TFEC: variants seen among roughly 807,000 people sequenced by gnomAD.
The protein encoded by TFEC is class E basic helix-loop-helix protein 34.
Under a neutral mutation model 41.6 loss-of-function variants are expected in TFEC, and 31 were observed. That is an observed-to-expected ratio of 0.74 (90% CI 0.56 to 1.01). The LOEUF is 1.01. TFEC is among the 50% of genes least tolerant of loss of function. The pLI is 0.00. For missense variants in TFEC, 402 were observed against 404.1 expected (o/e 0.99, Z 0.04); for synonymous variants, 143 against 140.6 (o/e 1.02, Z -0.12).
chr7:115,954,652 A>G lies in TFEC; in HGVS notation c.383-10T>C, dbSNP rs1336052046. The stretch of plus-strand genomic sequence containing the variant: ...GCTCTAGTGTCAGTTTCTGATCAAA[A>G]GAAAAATAATAAAAACCATGCTTAG... On this transcript the variant is annotated splice_polypyrimidine_tract_variant and intron_variant, in intron 4 of 7. Coordinates refer to ENST00000265440, the MANE Select transcript of TFEC (RefSeq NM_012252.4). 1.9e-6 allele frequency: 3 copies of G among 1,609,142 alleles called. No homozygotes were observed. Among genetic ancestry groups the G allele is most frequent in the Non-Finnish European group, 2.5e-6 (3 of 1,178,036 alleles).
At chr7:116,154,839 G>A (rs1798834023) in intron 1 of TFEC, among the ~76,000 whole-genome samples, 1 of 152,050 alleles carries the variant, frequency 6.6e-6, no homozygotes, top group African/African-American at 2.4e-5. Flanking sequence ...GAGAAATCGC[G>A]GATCTTCCTC....
intron 2 of TFEC, 115 bp downstream of exon 2, chr7:115,984,147 T>A: frequency 7.7e-7 from 1 of 1,293,598 alleles, no homozygotes; most frequent in Non-Finnish European, 1.1e-6. Context: ...AAAGCACATT[T>A]CTTTTGTTAC....
chr7:115,974,637 G>T (rs920534443), intron 2 of TFEC, among the ~76,000 whole-genome samples: 1 of 150,262 alleles, frequency 6.7e-6, no homozygotes, highest in Non-Finnish European at 1.5e-5. Flanking sequence ...GGCAGATAGG[G>T]TCCCTATAGT....
At chr7:115,973,490 C>T (rs1793229537) in intron 3 of TFEC, among the ~76,000 whole-genome samples, 2 of 151,848 alleles carry the variant, frequency 1.3e-5, no homozygotes, top group Admixed American at 1.3e-4. Context: ...AAACAATAAT[C>T]CTTCAAAATA....
intron 1 of TFEC, among the ~76,000 whole-genome samples, chr7:116,009,997 C>T (rs532363354): frequency 6.6e-6 from 1 of 152,168 alleles, no homozygotes; most frequent in East Asian, 1.9e-4. Context: ...AGGGCTCAAA[C>T]AGGATGGGTG....
intron 1 of TFEC, among the ~76,000 whole-genome samples, chr7:115,989,459 G>A (rs910041848): frequency 6.6e-5 from 10 of 152,178 alleles, no homozygotes; most frequent in South Asian, 2.1e-4. Context: ...CGCCTCACCC[G>A]GGAAGCATAA....
At chr7:116,041,239 T>C (rs1796030675) in intron 3 of TFEC, among the ~76,000 whole-genome samples, 1 of 151,988 alleles carries the variant, frequency 6.6e-6, no homozygotes, top group Non-Finnish European at 1.5e-5. Context: ...TATCGTTTCC[T>C]TTTGTTTTGC....
chr7:115,943,738 A>G (rs1562876303), intron 6 of TFEC, among the ~76,000 whole-genome samples: 2 of 151,684 alleles, frequency 1.3e-5, no homozygotes, highest in African/African-American at 2.4e-5. Context: ...GGCATGGCTA[A>G]AGAATGAATG....
rs1056839350 is a variant in TFEC, at chr7:116,118,671, A to G, written c.-68-6633T>C. Among the ~76,000 whole-genome samples, 6 of 151,850 alleles carry G rather than the reference A, an allele frequency of 4.0e-5. No homozygotes were observed. In the East Asian group the frequency reaches 9.7e-4, roughly 24 times the overall value. On this transcript the variant is annotated intron_variant, in intron 1 of 8. Transcript: ENST00000484212. ...TAGTGGTGTCTAACACTTTTCCTCT[A>G]ACAAAAACAAATTCAATAGTTGCAT...
chr7:116,091,227 G>A (rs556782481), intron 3 of TFEC, among the ~76,000 whole-genome samples: 1 of 152,214 alleles, frequency 6.6e-6, no homozygotes, highest in South Asian at 2.1e-4. Flanking sequence ...CAGGGAAATT[G>A]GTAATATAAT....
intron 1 of TFEC, among the ~76,000 whole-genome samples, chr7:116,118,488 C>A (rs1247875615): frequency 2.0e-5 from 3 of 151,864 alleles, no homozygotes; most frequent in Middle Eastern, 3.4e-3. Context: ...CAGTTGACTA[C>A]CTGCTGGCAT....
chr7:115,978,020 AAAACAT>A (rs1793461881), intron 2 of TFEC, among the ~76,000 whole-genome samples: 1 of 152,144 alleles, frequency 6.6e-6, no homozygotes, highest in Non-Finnish European at 1.5e-5. Context: ...ATAGTAACTT[AAAACAT>A]AAGAAATTGT....
chr7:116,095,635 T>C (rs1797434676), intron 3 of TFEC, among the ~76,000 whole-genome samples: 1 of 152,236 alleles, frequency 6.6e-6, no homozygotes, highest in Non-Finnish European at 1.5e-5. Flanking sequence ...ACTCACTCAT[T>C]AATATGTTGT....
intron 1 of TFEC, among the ~76,000 whole-genome samples, chr7:116,017,756 C>A (rs1795248348): frequency 6.6e-6 from 1 of 152,184 alleles, no homozygotes; most frequent in African/African-American, 2.4e-5. Flanking sequence ...TTGGGTTCTA[C>A]AAAAGCATGG....
intron 3 of TFEC, among the ~76,000 whole-genome samples, chr7:116,070,585 T>C (rs1796804282): frequency 1.3e-5 from 2 of 151,364 alleles, no homozygotes; most frequent in Non-Finnish European, 1.5e-5. Flanking sequence ...ACATTGGAAA[T>C]AAAAAGAAAC....
At chr7:116,092,766 A>G (rs1203971958) in intron 3 of TFEC, among the ~76,000 whole-genome samples, 1 of 152,110 alleles carries the variant, frequency 6.6e-6, no homozygotes, top group African/African-American at 2.4e-5. Flanking sequence ...CTCTTTACCC[A>G]TATCAGGGGT....
intron 1 of TFEC, among the ~76,000 whole-genome samples, chr7:116,003,161 A>G (rs1055070495): frequency 3.3e-5 from 5 of 152,116 alleles, no homozygotes; most frequent in Admixed American, 1.3e-4. Context: ...ATGAAATGAC[A>G]CATATATAAA....
chr7:115,959,179 T>C (rs941835462), intron 3 of TFEC, among the ~76,000 whole-genome samples: 1 of 151,778 alleles, frequency 6.6e-6, no homozygotes, highest in Non-Finnish European at 1.5e-5. Context: ...TAGGCAAACA[T>C]TATTATTAAC....
chr7:116,136,324 T>C (rs181886966), intron 1 of TFEC, among the ~76,000 whole-genome samples: 4 of 152,132 alleles, frequency 2.6e-5, no homozygotes, highest in Admixed American at 2.6e-4. Context: ...TAATTAAAGT[T>C]ACATAAAACT....
Sources: allele counts gnomAD v4.1 joint callset (sites outside exome capture counted in the v4.1 genomes callset), GRCh38; gene constraint gnomAD v4.1.1; transcripts MANE v1.5; gene names NCBI Gene and HGNC (gene_info 2026-07-23, HGNC 2026-07-21).